MBNL2: variants seen among roughly 807,000 people sequenced by gnomAD.
The protein encoded by MBNL2 is muscleblind like splicing regulator 2, also known as muscleblind-like protein 2.
In MBNL2, 17 loss-of-function variants were observed where a neutral mutation model predicts 41.9. That is an observed-to-expected ratio of 0.41 (90% CI 0.28 to 0.61). The LOEUF (loss-of-function observed/expected upper bound fraction) is 0.61. Ranked by LOEUF, MBNL2 falls within the 20% of genes least tolerant of loss-of-function variation. The probability of loss-of-function intolerance (pLI) is 0.35; values close to 1 mark genes in which losing one functional copy is unlikely to be tolerated. For missense variants in MBNL2, 336 were observed against 505.6 expected (o/e 0.66, Z 3.22); for synonymous variants, 195 against 182.9 (o/e 1.07, Z -0.53).
At chr13:97,299,877 A>G (rs948473315) in intron 2 of MBNL2, among the ~76,000 whole-genome samples, 1 of 152,212 alleles carries the variant, frequency 6.6e-6, no homozygotes, top group African/African-American at 2.4e-5. Flanking sequence ...AGCTGTAATA[A>G]GAGACCCAAC....
At chr13:97,195,321 C>T in the MBNL2 span, among the ~76,000 whole-genome samples, 1 of 152,106 alleles carries the variant, frequency 6.6e-6, no homozygotes, top group East Asian at 1.9e-4. Context: ...TACCTTCATG[C>T]TCCTCATATT....
chr13:97,156,563 G>C, the MBNL2 span, among the ~76,000 whole-genome samples: 5 of 137,872 alleles, frequency 3.6e-5, no homozygotes, highest in African/African-American at 1.4e-4. Flanking sequence ...ATCTTGAATT[G>C]ATTTTTGTAT....
At chr13:97,243,813 A>G (rs191082992) in intron 1 of MBNL2, among the ~76,000 whole-genome samples, 2 of 152,246 alleles carry the variant, frequency 1.3e-5, no homozygotes, top group Admixed American at 6.5e-5. Context: ...AAAGAGGACT[A>G]TTTTGCTCAT....
chr13:97,241,092 T>C (rs996665233), intron 1 of MBNL2, among the ~76,000 whole-genome samples: 3 of 152,196 alleles, frequency 2.0e-5, no homozygotes, highest in Admixed American at 6.5e-5. Flanking sequence ...TCAGGAAAGG[T>C]TAGCCTCTTT....
intron 1 of MBNL2, among the ~76,000 whole-genome samples, chr13:97,261,588 C>T (rs893858863): frequency 2.6e-5 from 4 of 152,294 alleles, no homozygotes; most frequent in Admixed American, 6.5e-5. Context: ...AACGCTCTTT[C>T]GCTGAAGTTG....
chr13:97,287,654 A>G (rs1463396969), intron 2 of MBNL2, among the ~76,000 whole-genome samples: 1 of 141,940 alleles, frequency 7.0e-6, no homozygotes, highest in East Asian at 2.1e-4. Flanking sequence ...TTATTCCAAG[A>G]TTGTTTTCTT....
At chr13:97,349,407 A>T (rs2062210685) in intron 5 of MBNL2, among the ~76,000 whole-genome samples, 1 of 152,156 alleles carries the variant, frequency 6.6e-6, no homozygotes, top group Admixed American at 6.5e-5. Flanking sequence ...TGAGGATCTC[A>T]TCCCATAGGA....
rs1461765716 is a variant in MBNL2, at chr13:97,346,638, G to C, written c.541-166G>C. ...AAACAAAACTCAAATGACTGTGTCAGAGATTGTGGTTACCTGGGCTCCGCA... is the reference window on the plus strand; with the variant it reads ...AAACAAAACTCAAATGACTGTGTCACAGATTGTGGTTACCTGGGCTCCGCA... On this transcript the variant is annotated intron_variant, in intron 4 of 8. Coordinates refer to ENST00000679496, the MANE Select transcript of MBNL2 (RefSeq NM_001382683.1). The surrounding 1 kb of genome is among the most constrained non-coding windows in gnomAD (Gnocchi z 4.2). Among the ~76,000 whole-genome samples the C allele has an allele frequency of 6.6e-6, 1 of 152,248 alleles. No homozygotes were observed. Among genetic ancestry groups the C allele is most frequent in the East Asian group, 1.9e-4 (1 of 5,194 alleles).
At chr13:97,152,761 G>A in the MBNL2 span, among the ~76,000 whole-genome samples, 4 of 152,192 alleles carry the variant, frequency 2.6e-5, no homozygotes, top group South Asian at 8.3e-4. Flanking sequence ...CACCTTTCTT[G>A]CACCTTTTCT....
intron 1 of MBNL2, among the ~76,000 whole-genome samples, chr13:97,259,922 A>T (rs1253745133): frequency 1.3e-5 from 2 of 152,202 alleles, no homozygotes; most frequent in African/African-American, 4.8e-5. Flanking sequence ...TCACTCAGCA[A>T]ATATCTATTC....
intron 7 of MBNL2, among the ~76,000 whole-genome samples, chr13:97,359,989 A>G (rs1472341834): frequency 6.6e-6 from 1 of 152,184 alleles, no homozygotes; most frequent in Non-Finnish European, 1.5e-5. Context: ...TTTCTTATAA[A>G]CCCATTTTCA....
chr13:97,348,572 A>G (rs2062116668), intron 5 of MBNL2, among the ~76,000 whole-genome samples: 1 of 152,190 alleles, frequency 6.6e-6, no homozygotes, highest in Non-Finnish European at 1.5e-5. Context: ...TGGGTAGAAT[A>G]AATAAATCAG....
intron 1 of MBNL2, among the ~76,000 whole-genome samples, chr13:97,235,207 ACT>A (rs2043048618): frequency 6.6e-6 from 1 of 151,686 alleles, no homozygotes; most frequent in African/African-American, 2.4e-5. Context: ...TCTATCACAA[ACT>A]CTGTCTTTTT....
intron 8 of MBNL2, among the ~76,000 whole-genome samples, chr13:97,373,465 T>TAA (rs550244280): frequency 0.016 from 2,306 of 140,758 alleles, 60 homozygotes; most frequent in African/African-American, 0.049. Context: ...TTTCTTTGTG[T>TAA]AAAAAAAAAA....
chr13:97,177,647 A>G, the MBNL2 span, among the ~76,000 whole-genome samples: 1 of 152,224 alleles, frequency 6.6e-6, no homozygotes, highest in Non-Finnish European at 1.5e-5. Flanking sequence ...AATAATATGA[A>G]TATTTTTCCA....
the MBNL2 span, among the ~76,000 whole-genome samples, chr13:97,161,923 A>C: frequency 6.6e-6 from 1 of 152,222 alleles, no homozygotes; most frequent in South Asian, 2.1e-4. Context: ...GTGTCAGTCC[A>C]TTCTTGCATT....
rs529137086 is a variant in MBNL2, at chr13:97,333,114, C to T, written c.175-1162C>T. On this transcript the variant is annotated intron_variant, in intron 2 of 8. Coordinates refer to ENST00000679496, the MANE Select transcript of MBNL2 (RefSeq NM_001382683.1). ...ATAAACAAATTCATTTCCCCAGATCCCCCAAGCTTGCTTTTTAAAATTATT... is the reference window on the plus strand; with the variant it reads ...ATAAACAAATTCATTTCCCCAGATCTCCCAAGCTTGCTTTTTAAAATTATT... Among the ~76,000 whole-genome samples the T allele has an allele frequency of 2.6e-5, 4 of 152,264 alleles. No homozygotes were observed. The East Asian group carries it at 5.8e-4, about 22-fold the overall frequency.
the MBNL2 span, among the ~76,000 whole-genome samples, chr13:97,160,092 G>A: frequency 9.9e-5 from 15 of 151,956 alleles, no homozygotes; most frequent in South Asian, 4.1e-4. Context: ...GGCTTTGCTC[G>A]TTTCTTTTTA....
At chr13:97,204,478 A>G in the MBNL2 span, among the ~76,000 whole-genome samples, 15 of 152,362 alleles carry the variant, frequency 9.8e-5, no homozygotes, top group African/African-American at 3.6e-4. Flanking sequence ...TCTTGAAGCC[A>G]TTAGCAAAGT....
Sources: gnomAD v4.1 joint callset for allele counts (sites outside exome capture counted in the v4.1 genomes callset) on GRCh38, gnomAD v4.1.1 for gene constraint, Gnocchi (gnomAD v3.1) non-coding constraint, MANE v1.5 for transcripts, NCBI Gene and HGNC (gene_info 2026-07-23, HGNC 2026-07-21) for gene names.